Variants in FGF10 observed in about 807,000 individuals in gnomAD.
FGF10 encodes FGF-10.
FGF10 carries 2 observed loss-of-function variants against 19.8 expected under a neutral mutation model. That is an observed-to-expected ratio of 0.10 (90% CI 0.04 to 0.32). The LOEUF is 0.32. Ranked by LOEUF, FGF10 falls within the 10% of genes least tolerant of loss-of-function variation. FGF10 has a pLI of 1.00. For missense variants in FGF10, 191 were observed against 246.3 expected, an observed-to-expected ratio of 0.78 and a Z score of 1.50; for synonymous variants, 112 against 94.0, an observed-to-expected ratio of 1.19 and a Z score of -1.10.
chr5:44,319,655 C>T (rs1740437131), intron 1 of FGF10, among the ~76,000 whole-genome samples: 1 of 152,094 alleles, frequency 6.6e-6, no homozygotes, highest in South Asian at 2.1e-4. Context: ...CCTCTTAATT[C>T]CTTCAAAGAT....
At chr5:44,312,066 C>T (rs1268952873) in intron 1 of FGF10, among the ~76,000 whole-genome samples, 3 of 151,948 alleles carry the variant, frequency 2.0e-5, no homozygotes, top group Non-Finnish European at 2.9e-5. Flanking sequence ...CACAGCACTC[C>T]TTTTCATCAA....
rs115661487 is a variant in FGF10 at position 44,332,372 on chromosome 5, A to G, written c.326-21842T>C. Among the ~76,000 whole-genome samples the G allele has an allele frequency of 7.4e-3, 1,121 of 152,242 alleles. 15 individuals carry two copies. The highest frequency in any genetic ancestry group is 0.026 in the African/African-American group (1,061 of 41,540). On this transcript the variant is annotated intron_variant, in intron 1 of 2. Transcript: ENST00000264664. ...AGGATTTGGCACCTGATTTTATACT[A>G]TGCTAGTGCCATGGAACTGCTTATT... is the stretch of plus-strand genomic sequence containing the variant.
At chr5:44,374,857 T>C (rs1291122943) in intron 1 of FGF10, among the ~76,000 whole-genome samples, 3 of 148,040 alleles carry the variant, frequency 2.0e-5, no homozygotes, top group Admixed American at 1.4e-4. Flanking sequence ...TAGAGAAACA[T>C]GAAAAATGAT....
chr5:44,389,366 C>G lies in FGF10; in HGVS notation c.-684G>C, dbSNP rs17227508. 13,224 of 154,508 alleles carry G rather than the reference C, an allele frequency of 0.086. 796 individuals are homozygous for G. The highest frequency in any genetic ancestry group is 0.13 in the Non-Finnish European group (9,077 of 69,604). 9.6% of individuals were successfully genotyped at this position (154,508 alleles called of 1,614,324 possible). A position where few individuals can be genotyped will look rare whatever the true frequency, so the allele number is the denominator to read the frequency against. ...GTTTTGTATGGCCCTATCTCCCACC[C>G]CCTTCCTTTGGAAAGTCCGCTTGTA... On this transcript the variant is annotated 5_prime_UTR_variant, in exon 1 of 3. Coordinates refer to ENST00000264664, the MANE Select transcript of FGF10 (RefSeq NM_004465.2).
chr5:44,341,694 C>T (rs766979837), intron 1 of FGF10, among the ~76,000 whole-genome samples: 11 of 152,020 alleles, frequency 7.2e-5, no homozygotes, highest in Admixed American at 2.0e-4. Context: ...CTCAGCACTG[C>T]TATAGGACCT....
intron 1 of FGF10, among the ~76,000 whole-genome samples, chr5:44,350,726 C>G (rs572709572): frequency 6.7e-6 from 1 of 149,208 alleles, no homozygotes; most frequent in East Asian, 2.0e-4. Context: ...TTATTCTATC[C>G]ATCATTCATT....
At chr5:44,382,496 A>G (rs2111922613) in intron 1 of FGF10, among the ~76,000 whole-genome samples, 1 of 152,264 alleles carries the variant, frequency 6.6e-6, no homozygotes, top group East Asian at 1.9e-4. Context: ...TCCTTTCGCA[A>G]ATTTTAAAAG....
chr5:44,320,191 A>C (rs1740450881), intron 1 of FGF10, among the ~76,000 whole-genome samples: 2 of 152,182 alleles, frequency 1.3e-5, no homozygotes, highest in South Asian at 4.2e-4. Flanking sequence ...GACAGATTTG[A>C]CTGCACAGAG....
chr5:44,349,472 G>T (rs2330547), intron 1 of FGF10, among the ~76,000 whole-genome samples: 17 of 23,840 alleles, frequency 7.1e-4, no homozygotes, highest in Non-Finnish European at 8.7e-4. Flanking sequence ...ATATATATCA[G>T]AATATATATA....
intron 1 of FGF10, among the ~76,000 whole-genome samples, chr5:44,359,218 A>G (rs1741420307): frequency 6.6e-6 from 1 of 151,542 alleles, no homozygotes. Flanking sequence ...GAGGATTGCT[A>G]CTAGGTAATG....
At chr5:44,345,204 A>G (rs1334928468) in intron 1 of FGF10, among the ~76,000 whole-genome samples, 1 of 151,916 alleles carries the variant, frequency 6.6e-6, no homozygotes, top group East Asian at 1.9e-4. Flanking sequence ...ATAGTCTTCA[A>G]ATTCCAAAAC....
rs948515626 is a variant in FGF10 at position 44,359,276 on chromosome 5, A to G, written c.325+29082T>C. ...ATAAAAGATTTTGGAAGAAAAAGTTATATTGGCACACAGGGAATGGGATAG... is the reference window on the plus strand; with the variant it reads ...ATAAAAGATTTTGGAAGAAAAAGTTGTATTGGCACACAGGGAATGGGATAG... On this transcript the variant is annotated intron_variant, in intron 1 of 2. Transcript: ENST00000264664. Among the ~76,000 whole-genome samples the G allele has an allele frequency of 3.6e-4, 55 of 151,538 alleles. 1 individual carries two copies. The highest frequency in any genetic ancestry group is 7.2e-4 in the Non-Finnish European group (49 of 67,666).
chr5:44,389,116 G>T lies in FGF10; in HGVS notation c.-434C>A. 3.3e-6 allele frequency: 1 copy of T among 298,658 alleles called. No homozygotes were observed. The highest frequency in any genetic ancestry group is 3.5e-5 in the South Asian group (1 of 28,966). The allele number at this position is 298,658 out of a possible 1,614,324, so 18.5% of individuals were successfully genotyped here. On this transcript the variant is annotated 5_prime_UTR_variant, in exon 1 of 3. Transcript: ENST00000264664. Reference sequence around the variant, plus strand: ...CAAGGGAGGTGGGGTGGGGAATAGGGGGAGATATCTGCACCCCTCTGCGGT... The same window carrying T: ...CAAGGGAGGTGGGGTGGGGAATAGGTGGAGATATCTGCACCCCTCTGCGGT...
At chr5:44,330,001 C>A (rs1392218811) in intron 1 of FGF10, among the ~76,000 whole-genome samples, 1 of 152,154 alleles carries the variant, frequency 6.6e-6, no homozygotes, top group East Asian at 1.9e-4. Context: ...TTCCTCTTTT[C>A]ATTCATAAGC....
At chr5:44,352,975 A>C (rs746884626) in intron 1 of FGF10, among the ~76,000 whole-genome samples, 1 of 151,628 alleles carries the variant, frequency 6.6e-6, no homozygotes, top group African/African-American at 2.4e-5. Context: ...GTTCTTAGAG[A>C]AAATGTTTTG....
At chr5:44,313,592 T>TG (rs909198780) in intron 1 of FGF10, among the ~76,000 whole-genome samples, 14 of 151,688 alleles carry the variant, frequency 9.2e-5, no homozygotes, top group African/African-American at 3.1e-4. Flanking sequence ...AAAAAGGTTT[T>TG]TTTTTTTTTA....
chr5:44,359,047 A>G (rs1324773420), intron 1 of FGF10, among the ~76,000 whole-genome samples: 1 of 151,548 alleles, frequency 6.6e-6, no homozygotes, highest in Non-Finnish European at 1.5e-5. Context: ...ACAATGGCTC[A>G]AGCCTTTTAG....
At chr5:44,348,781 G>T (rs1175975813) in intron 1 of FGF10, among the ~76,000 whole-genome samples, 1 of 151,456 alleles carries the variant, frequency 6.6e-6, no homozygotes, top group Admixed American at 6.6e-5. Context: ...CCATTTAATA[G>T]AAATCCATAT....
chr5:44,373,418 A>C (rs1032818955), intron 1 of FGF10, among the ~76,000 whole-genome samples: 9 of 152,168 alleles, frequency 5.9e-5, no homozygotes, highest in Admixed American at 1.3e-4. Context: ...TCTGCTTAAC[A>C]GTTCTTTTTT....
Sources: allele counts gnomAD v4.1 joint callset (sites outside exome capture counted in the v4.1 genomes callset), GRCh38; gene constraint gnomAD v4.1.1; transcripts MANE v1.5; gene names NCBI Gene and HGNC (gene_info 2026-07-23, HGNC 2026-07-21).